Variants in TBC1D15 observed in about 807,000 individuals in gnomAD.
TBC1D15 encodes the protein TBC1 domain family member 15.
A neutral mutation model predicts 95.4 loss-of-function variants in TBC1D15; 39 were observed. The observed-to-expected ratio is 0.41, with a 90% CI of 0.32 to 0.53. TBC1D15 has a LOEUF of 0.53. Among genes scored for constraint, TBC1D15 ranks in the 20% least tolerant of loss-of-function variants. The pLI is 0.29. For missense variants in TBC1D15, 733 were observed against 794.3 expected, an observed-to-expected ratio of 0.92 and a Z score of 0.93; for synonymous variants, 258 against 261.3, an observed-to-expected ratio of 0.99 and a Z score of 0.12.
intron 12 of TBC1D15, among the ~76,000 whole-genome samples, chr12:71,914,669 A>G (rs1303903831): frequency 2.0e-5 from 3 of 152,020 alleles, no homozygotes; most frequent in Admixed American, 2.0e-4. Flanking sequence ...TCAAAATAAC[A>G]CTAACATACT....
rs115678937 is a variant in TBC1D15 at position 71,909,805 on chromosome 12, G to A, written c.1300+2667G>A. ...AGGGAAGTACTTTAGAAATTGTACTGGTGCTGATTAAGATATGCATCATTC... is the reference window on the plus strand; with the variant it reads ...AGGGAAGTACTTTAGAAATTGTACTAGTGCTGATTAAGATATGCATCATTC... On this transcript the variant is annotated intron_variant, in intron 11 of 16. Coordinates refer to ENST00000485960, the MANE Select transcript of TBC1D15 (RefSeq NM_001146213.3). 9.7e-3 allele frequency among the ~76,000 whole-genome samples: 1,480 copies of A among 152,144 alleles called. 31 individuals carry two copies. The highest frequency in any genetic ancestry group is 0.033 in the African/African-American group (1,384 of 41,498).
At position 71,894,770 on chromosome 12, in the gene TBC1D15, G is replaced by T; in HGVS notation, c.742G>T (p.Asp248Tyr). Reference protein sequence around the residue: ...NYIFDSLRGSDPSTHQRPPSE... With the variant: ...NYIFDSLRGSYPSTHQRPPSE... ...CATTTTTGACAGTTTGAGAGGCAGC[G>T]ATCCCTCTACACATCAACGACCACC... Residue 248 changes from aspartate (D) to tyrosine (Y), a missense_variant, in exon 7 of 17, where the codon GAT becomes TAT. Asp to Tyr is a radical substitution (Grantham distance 160). Coordinates refer to ENST00000485960, the MANE Select transcript of TBC1D15 (RefSeq NM_001146213.3). The T allele has an allele frequency of 6.2e-7, 1 of 1,613,234 alleles. No individual in the cohort carries two copies. Among genetic ancestry groups the T allele is most frequent in the Non-Finnish European group, 8.5e-7 (1 of 1,179,420 alleles).
chr12:71,861,423 A>C (rs1361698327), intron 1 of TBC1D15: 5 of 1,490,444 alleles, frequency 3.4e-6, no homozygotes, highest in Non-Finnish European at 4.4e-6. Flanking sequence ...TTTCTTCTTG[A>C]TTCAATCTTG....
chr12:71,900,893 C>T (rs1017594392), intron 10 of TBC1D15, among the ~76,000 whole-genome samples: 5 of 152,092 alleles, frequency 3.3e-5, no homozygotes, highest in Non-Finnish European at 1.5e-5. Context: ...GTTCTCTTAC[C>T]ACTCCTGTTC....
chr12:71,875,918 C>T (rs1309565623), intron 3 of TBC1D15, among the ~76,000 whole-genome samples: 1 of 152,038 alleles, frequency 6.6e-6, no homozygotes, highest in Non-Finnish European at 1.5e-5. Context: ...CTGCCTCAGC[C>T]TCTCGAGTAG....
chr12:71,847,682 G>A (rs775427162), intron 1 of TBC1D15, among the ~76,000 whole-genome samples: 1 of 150,974 alleles, frequency 6.6e-6, no homozygotes, highest in East Asian at 2.0e-4. Context: ...GTGACAGAGC[G>A]AGACTGTCTC....
intron 5 of TBC1D15, among the ~76,000 whole-genome samples, chr12:71,891,445 A>G (rs1293222448): frequency 3.3e-5 from 5 of 152,220 alleles, no homozygotes; most frequent in Non-Finnish European, 7.3e-5. Flanking sequence ...TGAGAGATCA[A>G]CTTCCCAGAA....
chr12:71,877,214 T>C (rs568087304), intron 3 of TBC1D15, among the ~76,000 whole-genome samples: 1 of 151,114 alleles, frequency 6.6e-6, no homozygotes, highest in Non-Finnish European at 1.5e-5. Flanking sequence ...GTGTGTGTTT[T>C]TTTTTTTTTT....
At chr12:71,910,695 T>C (rs1902025278) in intron 11 of TBC1D15, among the ~76,000 whole-genome samples, 1 of 152,142 alleles carries the variant, frequency 6.6e-6, no homozygotes, top group Non-Finnish European at 1.5e-5. Flanking sequence ...ATGCTTACCA[T>C]TCAGGACATA....
intron 5 of TBC1D15, among the ~76,000 whole-genome samples, chr12:71,887,541 A>C (rs1896474213): frequency 6.6e-6 from 1 of 151,770 alleles, no homozygotes; most frequent in Non-Finnish European, 1.5e-5. Context: ...AGTTCCTAAA[A>C]CCCCCTAAAC....
chr12:71,849,855 T>C, intron 1 of TBC1D15: 1 of 567,696 alleles, frequency 1.8e-6, no homozygotes, highest in Non-Finnish European at 3.4e-6. Context: ...AATGTGGAGT[T>C]TGCTTCTGTC....
At position 71,918,511 on chromosome 12, in the gene TBC1D15, G is replaced by T. The variant is rs1868250359; in HGVS notation, c.1562G>T (p.Arg521Met). 2 of 1,608,532 alleles carry T rather than the reference G, an allele frequency of 1.2e-6. No homozygotes were observed. The highest frequency in any genetic ancestry group is 8.5e-7 in the Non-Finnish European group (1 of 1,177,866). Residue 521 changes from arginine (R) to methionine (M), a missense_variant, in exon 14 of 17, where the codon AGG (arginine) becomes ATG (methionine). Transcript: ENST00000485960. ...CFRWLLIRFK[R>M]EFSFLDILRL... is the part of the protein sequence containing the mutation. ...AGGTGGCTTTTAATCAGATTCAAAA[G>T]GGAATTTAGTTTTCTAGATATTCTT...
chr12:71,911,305 C>T (rs1454573381), intron 11 of TBC1D15, among the ~76,000 whole-genome samples: 3 of 151,942 alleles, frequency 2.0e-5, no homozygotes, highest in Admixed American at 2.0e-4. Context: ...ATCATGCTGC[C>T]ATAAAGACAC....
intron 1 of TBC1D15, among the ~76,000 whole-genome samples, chr12:71,850,959 C>T (rs167888): frequency 0.028 from 3,653 of 131,968 alleles, 168 homozygotes; most frequent in African/African-American, 0.097. Flanking sequence ...TGCACTCAGC[C>T]TGGTGGCAGA....
chr12:71,854,763 T>TC (rs766656882), intron 1 of TBC1D15: 5 of 456,378 alleles, frequency 1.1e-5, no homozygotes, highest in African/African-American at 2.0e-5. Context: ...TGCATTCCTC[T>TC]CCCCCCCACC....
chr12:71,883,488 A>C (rs1895623705), intron 4 of TBC1D15, among the ~76,000 whole-genome samples: 1 of 152,168 alleles, frequency 6.6e-6, no homozygotes, highest in African/African-American at 2.4e-5. Context: ...CCATGAAATA[A>C]TGATGGCGCA....
At chr12:71,880,291 CT>C (rs534954705) in intron 3 of TBC1D15, among the ~76,000 whole-genome samples, 177 bp from the exon 4 acceptor site, 5,667 of 136,536 alleles carry the variant, frequency 0.042, 331 homozygotes, top group African/African-American at 0.13. Flanking sequence ...GCTTCTCTTC[CT>C]TTTTTTTTTT....
Position 71,893,282 on chromosome 12 carries a change from T to A in TBC1D15, c.615T>A (p.Ser205=). 6.2e-7 allele frequency: 1 copy of A among 1,610,418 alleles called. No individual in the cohort carries two copies. Among genetic ancestry groups the A allele is most frequent in the South Asian group, 1.1e-5 (1 of 90,850 alleles). Residue 205 remains serine (S), a synonymous_variant, in exon 6 of 17, where the codon TCT becomes TCA. Coordinates refer to ENST00000485960, the MANE Select transcript of TBC1D15 (RefSeq NM_001146213.3). Reference sequence around the variant, plus strand: ...GTCAGAATAAGAGTCTTTCACAGTCTTTTGAAAATCTTCTTGATGAGCCAG... The same window carrying A: ...GTCAGAATAAGAGTCTTTCACAGTCATTTGAAAATCTTCTTGATGAGCCAG... ...VNCQNKSLSQ[S]FENLLDEPAY...
chr12:71,861,159 T>C (rs1344480044), intron 1 of TBC1D15, among the ~76,000 whole-genome samples: 3 of 152,134 alleles, frequency 2.0e-5, no homozygotes, highest in African/African-American at 7.2e-5. Flanking sequence ...TATTGGCCTA[T>C]GGTGTTCTTT....
Sources: gnomAD v4.1 joint callset for allele counts (sites outside exome capture counted in the v4.1 genomes callset) on GRCh38, gnomAD v4.1.1 for gene constraint, MANE v1.5 for transcripts, NCBI Gene and HGNC (gene_info 2026-07-23, HGNC 2026-07-21) for gene names.